Variants in COL13A1 observed in about 807,000 individuals in gnomAD.
COL13A1 encodes the protein collagen alpha-1(XIII) chain.
Under a neutral mutation model 130.9 loss-of-function variants are expected in COL13A1, and 89 were observed. That is an observed-to-expected ratio of 0.68 (90% CI 0.57 to 0.81). The LOEUF is 0.81. Among genes scored for constraint, COL13A1 ranks in the 30% least tolerant of loss-of-function variants. The probability of loss-of-function intolerance (pLI) is 0.00; values close to 1 mark genes in which losing one functional copy is unlikely to be tolerated. For missense variants in COL13A1, 879 were observed against 934.6 expected (o/e 0.94, Z 0.78); for synonymous variants, 402 against 341.6 (o/e 1.18, Z -1.95).
At chr10:69,875,745 G>A (rs2059512680) in intron 5 of COL13A1, among the ~76,000 whole-genome samples, 1 of 152,266 alleles carries the variant, frequency 6.6e-6, no homozygotes, top group Admixed American at 6.5e-5. Flanking sequence ...TGGAGAGGGT[G>A]TTTCCCAGAA....
chr10:69,895,855 G>C (rs1564980268), intron 13 of COL13A1, among the ~76,000 whole-genome samples: 1 of 152,186 alleles, frequency 6.6e-6, no homozygotes, highest in African/African-American at 2.4e-5. Context: ...GTCTGACTCG[G>C]TATGTTGGAG....
chr10:69,834,497 G>A (rs1849555677), intron 2 of COL13A1, among the ~76,000 whole-genome samples: 1 of 152,172 alleles, frequency 6.6e-6, no homozygotes, highest in African/African-American at 2.4e-5. Flanking sequence ...AATAACCATG[G>A]CATATATTCA....
intron 1 of COL13A1, among the ~76,000 whole-genome samples, chr10:69,820,474 G>A (rs1845776321): frequency 6.6e-6 from 1 of 152,240 alleles, no homozygotes; most frequent in Non-Finnish European, 1.5e-5. Flanking sequence ...TGATTGGTGG[G>A]GAGGGATGTG....
chr10:69,802,265 A>G lies in COL13A1; in HGVS notation c.-159A>G. ...TTTCGGCACTTCCTCTCCTACTGCT[A>G]ATTTTTCCGTCCTCTTTGCCGGGAG... is the stretch of plus-strand genomic sequence containing the variant. On this transcript the variant is annotated 5_prime_UTR_variant, in exon 1 of 41. Coordinates refer to ENST00000645393, the MANE Select transcript of COL13A1 (RefSeq NM_001368882.1). 1.1e-6 allele frequency: 1 copy of G among 880,730 alleles called. No individual in the cohort carries two copies. The highest frequency in any genetic ancestry group is 4.1e-5 in the Admixed American group (1 of 24,452). The allele number at this position is 880,730 out of a possible 1,614,324, so 54.6% of individuals were successfully genotyped here.
chr10:69,834,529 G>T (rs1484020542), intron 2 of COL13A1, among the ~76,000 whole-genome samples: 1 of 152,188 alleles, frequency 6.6e-6, no homozygotes, highest in Non-Finnish European at 1.5e-5. Flanking sequence ...TGGGCCTTGT[G>T]CTTTAAATAC....
chr10:69,855,204 C>T lies in COL13A1; in HGVS notation c.365-12594C>T, dbSNP rs16926972. Among the ~76,000 whole-genome samples, 417 of 152,306 alleles carry T rather than the reference C, an allele frequency of 2.7e-3. 5 individuals are homozygous for T. Among genetic ancestry groups the T allele is most frequent in the East Asian group, 0.019 (98 of 5,176 alleles). ...AGTAAGTGTTAGGGTAGCTGTTTTC[C>T]TGGCCACCTGTGACATTCAGAGGGG... is the stretch of plus-strand genomic sequence containing the variant. On this transcript the variant is annotated intron_variant, in intron 2 of 40. Transcript: ENST00000645393.
At chr10:69,944,547 T>C (rs1290327931) in intron 36 of COL13A1, among the ~76,000 whole-genome samples, 1 of 151,946 alleles carries the variant, frequency 6.6e-6, no homozygotes, top group Non-Finnish European at 1.5e-5. Context: ...TAGTCCTAGC[T>C]ACTTGGGAGG....
At chr10:69,945,633 G>T (rs780444034) in intron 36 of COL13A1, 38 bp from the exon 37 acceptor site, 3 of 1,604,012 alleles carry the variant, frequency 1.9e-6, no homozygotes, top group Non-Finnish European at 2.6e-6. Flanking sequence ...TTGTTACCGT[G>T]TCTGGCAGGA....
At chr10:69,898,795 G>T in intron 14 of COL13A1, 33 bp downstream of exon 14, 1 of 1,568,846 alleles carries the variant, frequency 6.4e-7, no homozygotes, top group Non-Finnish European at 8.7e-7. Flanking sequence ...GACCATGTGT[G>T]GTTTCCCAAG....
In COL13A1 at chr10:69,888,332, T is replaced by C; in HGVS notation, c.576+2T>C. 1 of 1,612,532 alleles carries C rather than the reference T, an allele frequency of 6.2e-7. No homozygotes were observed. Among genetic ancestry groups the C allele is most frequent in the East Asian group, 2.2e-5 (1 of 44,840 alleles). On this transcript the variant is annotated splice_donor_variant, in intron 9 of 40. Coordinates refer to ENST00000645393, the MANE Select transcript of COL13A1 (RefSeq NM_001368882.1). LOFTEE classifies it high-confidence loss of function. ...CCCATTGGGCTGGACGGCAAACCGG[T>C]AAGTGGACCCGCTCTCTCCCCTCAC...
rs1212902435 is a variant in COL13A1, at chr10:69,888,290, C to T, written c.550-14C>T. 4 of 1,612,688 alleles carry T rather than the reference C, an allele frequency of 2.5e-6. No homozygotes were observed. Among genetic ancestry groups the T allele is most frequent in the Non-Finnish European group, 3.4e-6 (4 of 1,179,466 alleles). On this transcript the variant is annotated splice_polypyrimidine_tract_variant and intron_variant, in intron 8 of 40. Coordinates refer to ENST00000645393, the MANE Select transcript of COL13A1 (RefSeq NM_001368882.1). ...GTGATGCTCAGTCTTTACATCTGGC[C>T]TTTCTGGTTTCAGGGTCCCATTGGG... is the stretch of plus-strand genomic sequence containing the variant.
Position 69,895,965 on chromosome 10 carries a change from TG to T in COL13A1, c.684+390del, listed in dbSNP as rs146335363. ...TGTTTGACTCCCCACCCAACAAGCA[TG>T]TGTGTGCGTGTGTGTGGCGGTAGGG... On this transcript the variant is annotated intron_variant, in intron 13 of 40. Transcript: ENST00000645393. 8.6e-3 allele frequency among the ~76,000 whole-genome samples: 1,301 copies of T among 152,130 alleles called. 19 individuals are homozygous for T. Among genetic ancestry groups the T allele is most frequent in the African/African-American group, 0.03 (1,243 of 41,488 alleles).
chr10:69,946,932 T>C (rs376342383), intron 37 of COL13A1, among the ~76,000 whole-genome samples: 8 of 152,230 alleles, frequency 5.3e-5, no homozygotes, highest in African/African-American at 1.7e-4. Flanking sequence ...AGACTACAGG[T>C]GCCCACCACC....
chr10:69,880,621 C>A, intron 7 of COL13A1, 68 bp downstream of exon 7: 2 of 1,532,948 alleles, frequency 1.3e-6, no homozygotes, highest in Non-Finnish European at 1.8e-6. Context: ...GGCTTTTAGG[C>A]TGGGGATGAG....
At position 69,895,366 on chromosome 10, in the gene COL13A1, C is replaced by A. The variant is rs139834554; in HGVS notation, c.658-184C>A. ...GCAGGCCATGGAAGTTTCTTCCCTG[C>A]TGCTAGCCAGGGGCAAGGGAGGGAC... On this transcript the variant is annotated intron_variant, in intron 12 of 40. Coordinates refer to ENST00000645393, the MANE Select transcript of COL13A1 (RefSeq NM_001368882.1). Among the ~76,000 whole-genome samples the A allele has an allele frequency of 5.9e-3, 893 of 152,326 alleles. 5 individuals carry two copies. Among genetic ancestry groups the A allele is most frequent in the Non-Finnish European group, 9.9e-3 (673 of 68,016 alleles).
chr10:69,910,613 G>T (rs1206848635), intron 17 of COL13A1, among the ~76,000 whole-genome samples: 1 of 152,226 alleles, frequency 6.6e-6, no homozygotes, highest in Non-Finnish European at 1.5e-5. Context: ...CCCCTGTGCT[G>T]CCCCCATGCC....
intron 7 of COL13A1, among the ~76,000 whole-genome samples, chr10:69,885,224 A>T (rs2060493052): frequency 6.6e-6 from 1 of 152,250 alleles, no homozygotes. Flanking sequence ...AAAACACACC[A>T]GAAACAAAAT....
At chr10:69,945,976 A>T (rs1219440708) in intron 37 of COL13A1, among the ~76,000 whole-genome samples, 1 of 151,986 alleles carries the variant, frequency 6.6e-6, no homozygotes, top group Non-Finnish European at 1.5e-5. Context: ...AGGCTGAGGC[A>T]GGAGAATCTC....
At chr10:69,908,536 A>G (rs1437059481) in intron 17 of COL13A1, among the ~76,000 whole-genome samples, 2 of 152,194 alleles carry the variant, frequency 1.3e-5, no homozygotes, top group African/African-American at 4.8e-5. Flanking sequence ...GCATCATACC[A>G]TGACAGGTGT....
Sources: gnomAD v4.1 joint callset for allele counts (sites outside exome capture counted in the v4.1 genomes callset) on GRCh38, gnomAD v4.1.1 for gene constraint, MANE v1.5 for transcripts, NCBI Gene and HGNC (gene_info 2026-07-23, HGNC 2026-07-21) for gene names.